Variants in SPATA6 observed in about 807,000 individuals in gnomAD.
SPATA6 encodes the protein spermatogenesis associated 6, also known as spermatogenesis-associated protein 6.
In SPATA6, 56 loss-of-function variants were observed where a neutral mutation model predicts 65.3. The ratio of observed to expected loss-of-function variants is 0.86; its 90% CI spans 0.69 to 1.07. The LOEUF is 1.07. Among genes scored for constraint, SPATA6 ranks in the 50% least tolerant of loss-of-function variants. The pLI, the probability that SPATA6 is intolerant of heterozygous loss-of-function variation, is 0.00. For missense variants in SPATA6, 590 were observed against 594.8 expected, an observed-to-expected ratio of 0.99 and a Z score of 0.08; for synonymous variants, 199 against 213.2, an observed-to-expected ratio of 0.93 and a Z score of 0.58.
the SPATA6 span, among the ~76,000 whole-genome samples, chr1:48,283,694 A>AG: frequency 8.8e-4 from 107 of 121,060 alleles, no homozygotes; most frequent in African/African-American, 3.3e-3. Flanking sequence ...AAAAAAAAAA[A>AG]AAAAAAGAAA....
intron 6 of SPATA6, among the ~76,000 whole-genome samples, chr1:48,399,899 C>T (rs888522366): frequency 3.3e-5 from 5 of 151,418 alleles, no homozygotes; most frequent in Admixed American, 6.6e-5. Context: ...AATTAAAGCC[C>T]GATACTTAAT....
chr1:48,453,987 T>A (rs1656806147), intron 1 of SPATA6, among the ~76,000 whole-genome samples: 1 of 150,282 alleles, frequency 6.7e-6, no homozygotes, highest in African/African-American at 2.4e-5. Flanking sequence ...GAAACAGTCA[T>A]AAGTAAAATA....
Position 48,305,831 on chromosome 1 carries a change from A to T in SPATA6, c.1242T>A (p.Ser414Arg). 1 of 1,612,356 alleles carries T rather than the reference A, an allele frequency of 6.2e-7. No homozygotes were observed. The highest frequency in any genetic ancestry group is 1.1e-5 in the South Asian group (1 of 90,986). The change falls in exon 12 of 13, where the codon AGT becomes AGA. Residue 414 changes from serine to arginine, a missense_variant. Transcript: ENST00000371847. ...EKDDELELKR[S>R]LLCRDSAYDS... is the part of the protein sequence containing the mutation. ...CATAGGCAGAGTCTCTACATAAAAG[A>T]CTTCTTTTCAGTTCCAGTTCATCAT...
the SPATA6 span, among the ~76,000 whole-genome samples, chr1:48,270,579 C>G: frequency 1.3e-5 from 2 of 151,910 alleles, no homozygotes; most frequent in African/African-American, 4.8e-5. Flanking sequence ...ATTACACATA[C>G]CTACCCCCTA....
intron 3 of SPATA6, among the ~76,000 whole-genome samples, chr1:48,427,434 CAAAAAAA>C (rs760835892): frequency 4.4e-5 from 3 of 67,610 alleles, no homozygotes; most frequent in South Asian, 4.1e-4. Context: ...AAAATTGAGG[CAAAAAAA>C]AAAAAAAAAG....
At chr1:48,425,869 T>C (rs150099079) in intron 3 of SPATA6, among the ~76,000 whole-genome samples, 19 of 152,190 alleles carry the variant, frequency 1.2e-4, no homozygotes, top group African/African-American at 4.1e-4. Context: ...TTGAAGATTA[T>C]GTAGAATGAT....
chr1:48,334,143 C>T (rs975619172), intron 11 of SPATA6, among the ~76,000 whole-genome samples: 1 of 151,804 alleles, frequency 6.6e-6, no homozygotes, highest in South Asian at 2.1e-4. Flanking sequence ...AATCGATAGC[C>T]GACCAACCAA....
chr1:48,400,590 C>G (rs1435129029), intron 6 of SPATA6, among the ~76,000 whole-genome samples: 1 of 152,026 alleles, frequency 6.6e-6, no homozygotes, highest in Non-Finnish European at 1.5e-5. Context: ...AATCCTACCT[C>G]CAGCTCTATT....
chr1:48,282,619 T>C, the SPATA6 span, among the ~76,000 whole-genome samples: 21,329 of 151,974 alleles, frequency 0.14, 1,694 homozygotes, highest in African/African-American at 0.2. Context: ...GAAATGCAAA[T>C]CAAAACCACA....
chr1:48,394,533 G>A (rs1650392708), intron 8 of SPATA6, among the ~76,000 whole-genome samples: 1 of 151,822 alleles, frequency 6.6e-6, no homozygotes, highest in African/African-American at 2.4e-5. Context: ...AAAAACAAAA[G>A]CAAGCAAAAA....
intron 11 of SPATA6, among the ~76,000 whole-genome samples, chr1:48,341,380 T>G (rs1262009608): frequency 6.6e-6 from 1 of 152,082 alleles, no homozygotes; most frequent in Non-Finnish European, 1.5e-5. Context: ...TGATAAAATC[T>G]TATGCTGTCC....
chr1:48,303,921 A>G (rs1434962138), intron 12 of SPATA6, among the ~76,000 whole-genome samples: 2 of 152,160 alleles, frequency 1.3e-5, no homozygotes, highest in African/African-American at 4.8e-5. Flanking sequence ...CAGTCATTCC[A>G]GAGGTTCATG....
At chr1:48,426,586 C>T (rs1003077603) in intron 3 of SPATA6, among the ~76,000 whole-genome samples, 1 of 152,010 alleles carries the variant, frequency 6.6e-6, no homozygotes, top group Non-Finnish European at 1.5e-5. Context: ...TACGGAAGCT[C>T]TTTGAAGTTA....
intron 7 of SPATA6, chr1:48,399,108 C>T (rs890938756): frequency 6.9e-6 from 3 of 432,682 alleles, no homozygotes; most frequent in Non-Finnish European, 8.1e-6. Flanking sequence ...AGAAAGGAAA[C>T]CGGTACTGAG....
chr1:48,405,925 T>C (rs971289006), intron 5 of SPATA6, among the ~76,000 whole-genome samples: 4 of 152,120 alleles, frequency 2.6e-5, no homozygotes, highest in African/African-American at 9.7e-5. Context: ...TAAAGTCTCA[T>C]CCTTGTACAA....
chr1:48,413,294 TC>T (rs1557680741), intron 3 of SPATA6, 143 bp from the exon 4 acceptor site: 2 of 240,968 alleles, frequency 8.3e-6, no homozygotes, highest in South Asian at 1.1e-4. Context: ...AATGTACACT[TC>T]TTTTTTTTTT....
rs1656088349 is a variant in SPATA6, at chr1:48,446,763, A to C, written c.238+4789T>G. On this transcript the variant is annotated intron_variant, in intron 3 of 12. Coordinates refer to ENST00000371847, the MANE Select transcript of SPATA6 (RefSeq NM_019073.4). The stretch of plus-strand genomic sequence containing the variant: ...CCTTTCTCTTAGTAATCAGTAAAAC[A>C]ACCAACCCTCCCAAAAGAATACAAT... Among the ~76,000 whole-genome samples the C allele has an allele frequency of 2.0e-5, 3 of 152,206 alleles. No homozygotes were observed. The South Asian group carries it at 6.2e-4, about 31-fold the overall frequency.
intron 5 of SPATA6, among the ~76,000 whole-genome samples, chr1:48,405,688 G>A (rs1212589767): frequency 6.6e-6 from 1 of 152,152 alleles, no homozygotes; most frequent in Non-Finnish European, 1.5e-5. Flanking sequence ...CCACAATGAT[G>A]TAGTCTCAGA....
intron 1 of SPATA6, among the ~76,000 whole-genome samples, chr1:48,461,599 C>T (rs1657436235): frequency 6.6e-6 from 1 of 152,172 alleles, no homozygotes; most frequent in Admixed American, 6.5e-5. Flanking sequence ...ATAGGGAATC[C>T]TTTCCTCTGG....
Sources: gnomAD v4.1 joint callset for allele counts (sites outside exome capture counted in the v4.1 genomes callset) on GRCh38, gnomAD v4.1.1 for gene constraint, MANE v1.5 for transcripts, NCBI Gene and HGNC (gene_info 2026-07-23, HGNC 2026-07-21) for gene names.